ITGB6: variants seen among roughly 807,000 people sequenced by gnomAD.
The protein encoded by ITGB6 is integrin beta-6.
Under a neutral mutation model 84.5 loss-of-function variants are expected in ITGB6, and 80 were observed. The observed-to-expected ratio is 0.95, with a 90% CI of 0.79 to 1.14. The LOEUF (loss-of-function observed/expected upper bound fraction) is 1.14, where lower values mean the gene tolerates loss of function less well. Among genes scored for constraint, ITGB6 ranks in the 50% most tolerant of loss-of-function variants. The pLI, the probability that ITGB6 is intolerant of heterozygous loss-of-function variation, is 0.00. For synonymous variants in ITGB6, 383 were observed against 354.9 expected (o/e 1.08, Z -0.89); for missense variants, 1,006 against 968.0 (o/e 1.04, Z -0.52).
intron 4 of ITGB6, among the ~76,000 whole-genome samples, chr2:160,181,502 A>G (rs781331765): frequency 6.6e-6 from 1 of 152,168 alleles, no homozygotes; most frequent in Non-Finnish European, 1.5e-5. Context: ...GGGCTTTTAG[A>G]TGAAACTCCC....
At chr2:160,150,924 A>T (rs367831767) in intron 7 of ITGB6, among the ~76,000 whole-genome samples, 58 of 152,318 alleles carry the variant, frequency 3.8e-4, no homozygotes, top group Middle Eastern at 3.4e-3. Context: ...ATATATATGC[A>T]CCTAACACAG....
At chr2:160,177,850 A>T (rs1284497496) in intron 4 of ITGB6, among the ~76,000 whole-genome samples, 1 of 151,832 alleles carries the variant, frequency 6.6e-6, no homozygotes, top group Admixed American at 6.6e-5. Flanking sequence ...AATACATTGG[A>T]TTTAGAATAA....
At chr2:160,183,301 C>G (rs1685761312) in intron 4 of ITGB6, among the ~76,000 whole-genome samples, 1 of 151,960 alleles carries the variant, frequency 6.6e-6, no homozygotes, top group African/African-American at 2.4e-5. Context: ...GAAGATTTAT[C>G]AAACAAATGG....
At chr2:160,136,465 A>G (rs2105816444) in intron 10 of ITGB6, among the ~76,000 whole-genome samples, 1 of 152,312 alleles carries the variant, frequency 6.6e-6, no homozygotes, top group African/African-American at 2.4e-5. Context: ...ACTGTAAACT[A>G]GTTCAACCAT....
intron 10 of ITGB6, among the ~76,000 whole-genome samples, chr2:160,133,555 C>G (rs1397541832): frequency 6.6e-6 from 1 of 152,120 alleles, no homozygotes; most frequent in African/African-American, 2.4e-5. Context: ...CCAAGCAGAC[C>G]TAATAGACAT....
At position 160,137,796 on chromosome 2, in the gene ITGB6, A is replaced by AT; in HGVS notation, c.1297dup (p.Ile433AsnfsTer59). 1 of 1,614,130 alleles carries AT rather than the reference A, an allele frequency of 6.2e-7. No homozygotes were observed. Among genetic ancestry groups the AT allele is most frequent in the South Asian group, 1.1e-5 (1 of 91,078 alleles). On this transcript the variant is annotated frameshift_variant, in exon 10 of 15. Coordinates refer to ENST00000283249, the MANE Select transcript of ITGB6 (RefSeq NM_000888.5). LOFTEE classifies it high-confidence loss of function. Reference sequence around the variant, plus strand: ...CCCCAGCCCCACAGGCTTTATGATAATGTGCCTGCTTCTTCTCTCGCAGTG... The same window carrying AT: ...CCCCAGCCCCACAGGCTTTATGATAATTGTGCCTGCTTCTTCTCTCGCAGTG...
chr2:160,162,781 G>C (rs557039879), intron 7 of ITGB6, among the ~76,000 whole-genome samples: 3 of 152,160 alleles, frequency 2.0e-5, no homozygotes, highest in Admixed American at 6.5e-5. Flanking sequence ...ACCACAACCT[G>C]CTAATTTTTT....
At chr2:160,193,425 A>G (rs1018498878) in intron 4 of ITGB6, among the ~76,000 whole-genome samples, 16 of 152,258 alleles carry the variant, frequency 1.1e-4, no homozygotes, top group African/African-American at 3.4e-4. Context: ...AGGAATAGGC[A>G]AAACCAATAT....
chr2:160,185,137 A>G (rs1487470718), intron 4 of ITGB6, among the ~76,000 whole-genome samples: 1 of 152,224 alleles, frequency 6.6e-6, no homozygotes, highest in Non-Finnish European at 1.5e-5. Flanking sequence ...CAGGGCAATC[A>G]GGCAAGGGAA....
intron 12 of ITGB6, among the ~76,000 whole-genome samples, chr2:160,120,240 T>A (rs1291832828): frequency 6.6e-6 from 1 of 151,130 alleles, no homozygotes; most frequent in African/African-American, 2.4e-5. Context: ...TGGCACTATT[T>A]ACAATAGCAA....
chr2:160,167,013 GGCAAGTAACTATGC>G (rs1685022254), intron 7 of ITGB6, among the ~76,000 whole-genome samples: 2 of 152,204 alleles, frequency 1.3e-5, no homozygotes, highest in South Asian at 4.1e-4. Context: ...GGCCTGTGCA[GGCAAGTAACTATGC>G]TTAACGTGTA....
intron 7 of ITGB6, among the ~76,000 whole-genome samples, chr2:160,161,417 A>G (rs904090321): frequency 3.3e-5 from 5 of 152,136 alleles, no homozygotes; most frequent in Admixed American, 3.3e-4. Flanking sequence ...CAGCCTCCCA[A>G]GTAGCTGGGA....
chr2:160,193,348 CATT>C lies in ITGB6; in HGVS notation c.593+2018_593+2020del, dbSNP rs763464510. The stretch of plus-strand genomic sequence containing the variant: ...CAAAATAATAGGTAAATCTTCAAAA[CATT>C]ATGTTGAACCAAAGAAGCCAAACAC... On this transcript the variant is annotated intron_variant, in intron 4 of 14. Transcript: ENST00000283249. Among the ~76,000 whole-genome samples, 39 of 152,110 alleles carry C rather than the reference CATT, an allele frequency of 2.6e-4. 1 individual carries two copies. The highest frequency in any genetic ancestry group is 5.3e-4 in the Non-Finnish European group (36 of 68,002).
chr2:160,150,261 G>A (rs149448750), intron 7 of ITGB6, among the ~76,000 whole-genome samples: 1 of 152,104 alleles, frequency 6.6e-6, no homozygotes, highest in African/African-American at 2.4e-5. Flanking sequence ...CAGATCTCTC[G>A]GCAGAAACCC....
chr2:160,111,915 T>C (rs1434767922), intron 13 of ITGB6, among the ~76,000 whole-genome samples, 165 bp downstream of exon 13: 4 of 152,164 alleles, frequency 2.6e-5, no homozygotes, highest in African/African-American at 9.7e-5. Context: ...TGGAACATAC[T>C]GAACCTTCTA....
chr2:160,171,264 A>G (rs1685188111), intron 6 of ITGB6, among the ~76,000 whole-genome samples: 1 of 150,856 alleles, frequency 6.6e-6, no homozygotes. Flanking sequence ...TCTGTACCAT[A>G]TTTCCCCAAG....
At chr2:160,103,010 G>A (rs950216651) in intron 14 of ITGB6, among the ~76,000 whole-genome samples, 2 of 152,034 alleles carry the variant, frequency 1.3e-5, no homozygotes, top group Admixed American at 6.6e-5. Flanking sequence ...GTTTTAGAGA[G>A]GATTATTAAG....
At chr2:160,157,572 A>G (rs755448913) in intron 7 of ITGB6, among the ~76,000 whole-genome samples, 45 of 152,186 alleles carry the variant, frequency 3.0e-4, no homozygotes, top group Admixed American at 5.9e-4. Flanking sequence ...ACACATGCCT[A>G]TGTCTATATA....
chr2:160,131,173 G>A (rs1683454214), intron 10 of ITGB6, among the ~76,000 whole-genome samples: 1 of 146,710 alleles, frequency 6.8e-6, no homozygotes, highest in South Asian at 2.2e-4. Context: ...CAGAGGGATA[G>A]ATCTTTCTGG....
Sources: gnomAD v4.1 joint callset for allele counts (sites outside exome capture counted in the v4.1 genomes callset) on GRCh38, gnomAD v4.1.1 for gene constraint, MANE v1.5 for transcripts, NCBI Gene and HGNC (gene_info 2026-07-23, HGNC 2026-07-21) for gene names.